The following SULT2B1 variants were observed in gnomAD, a reference collection of about 807,000 sequenced individuals.
The protein encoded by SULT2B1 is sulfotransferase family 2B member 1, also known as sulfotransferase 2B1.
SULT2B1 carries 16 observed loss-of-function variants against 33.2 expected under a neutral mutation model. The ratio of observed to expected loss-of-function variants is 0.48; its 90% CI spans 0.33 to 0.73. The LOEUF is 0.73. SULT2B1 is among the 30% of genes least tolerant of loss of function. SULT2B1 has a pLI of 0.02. For synonymous variants in SULT2B1, 186 were observed against 200.5 expected (o/e 0.93, Z 0.61); for missense variants, 500 against 506.0 (o/e 0.99, Z 0.11).
At chr19:48,581,906 T>C (rs1973495904) in intron 2 of SULT2B1, among the ~76,000 whole-genome samples, 2 of 148,228 alleles carry the variant, frequency 1.3e-5, no homozygotes, top group Non-Finnish European at 3.0e-5. Context: ...TTATTATTAT[T>C]ATTATTATTA....
chr19:48,555,915 A>G (rs1973094610), intron 1 of SULT2B1, among the ~76,000 whole-genome samples: 1 of 151,636 alleles, frequency 6.6e-6, no homozygotes, highest in African/African-American at 2.4e-5. Flanking sequence ...AATTTTTTGT[A>G]TTTTAGTAGA....
chr19:48,590,860 G>T (rs780253736), intron 3 of SULT2B1, among the ~76,000 whole-genome samples: 59 of 152,062 alleles, frequency 3.9e-4, no homozygotes, highest in Admixed American at 1.1e-3. Context: ...TTGAGGCAGG[G>T]TCTCGTTCTG....
At chr19:48,562,037 A>G (rs12611168) in intron 1 of SULT2B1, among the ~76,000 whole-genome samples, 22,924 of 152,006 alleles carry the variant, frequency 0.15, 1,991 homozygotes, top group East Asian at 0.4. Context: ...ATCACTTGAG[A>G]TCAGGAGTTT....
At chr19:48,577,596 C>A (rs1006045853) in intron 2 of SULT2B1, among the ~76,000 whole-genome samples, 1 of 151,770 alleles carries the variant, frequency 6.6e-6, no homozygotes, top group Admixed American at 6.6e-5. Context: ...GATCTCTTGA[C>A]CTCTTGATCT....
intron 3 of SULT2B1, among the ~76,000 whole-genome samples, chr19:48,589,913 T>C (rs939244770): frequency 6.6e-6 from 1 of 152,232 alleles, no homozygotes; most frequent in Admixed American, 6.5e-5. Context: ...TGAGCCATGA[T>C]TGTGCCACAG....
At chr19:48,574,879 A>T (rs1016948172) in intron 1 of SULT2B1, among the ~76,000 whole-genome samples, 2 of 152,130 alleles carry the variant, frequency 1.3e-5, no homozygotes, top group African/African-American at 4.8e-5. Flanking sequence ...ATCATCACTA[A>T]TTCCGCGCCC....
intron 1 of SULT2B1, 136 bp from the exon 2 acceptor site, chr19:48,575,805 G>A: frequency 4.1e-6 from 6 of 1,457,364 alleles, no homozygotes; most frequent in Non-Finnish European, 5.5e-6. Context: ...TATAGGGACA[G>A]TGTCACCACT....
At chr19:48,567,453 T>A (rs575919092) in intron 1 of SULT2B1, among the ~76,000 whole-genome samples, 2 of 152,112 alleles carry the variant, frequency 1.3e-5, no homozygotes, top group Admixed American at 6.6e-5. Flanking sequence ...TCTCAGCTAC[T>A]CAGGAGTCTG....
Position 48,552,886 on chromosome 19 carries a change from A to G in SULT2B1, c.71+563A>G, listed in dbSNP as rs1230123248. On this transcript the variant is annotated intron_variant, in intron 1 of 6. Transcript: ENST00000201586. The surrounding 1 kb of genome is among the most constrained non-coding windows in gnomAD (Gnocchi z 4.8). ...GAGCACTGCCCACTTCCATGAGCTC[A>G]GCGTGACTCCCTCTTCCTGGGGATG... 1.3e-5 allele frequency among the ~76,000 whole-genome samples: 2 copies of G among 152,118 alleles called. No individual in the cohort carries two copies. The highest frequency in any genetic ancestry group is 4.8e-5 in the African/African-American group (2 of 41,406).
intron 1 of SULT2B1, among the ~76,000 whole-genome samples, chr19:48,559,102 G>A (rs538965510): frequency 1.3e-5 from 2 of 152,226 alleles, no homozygotes; most frequent in South Asian, 2.1e-4. Context: ...GAGGGGCTTC[G>A]GGGCCAGCAC....
chr19:48,582,979 C>T (rs149521330), intron 2 of SULT2B1, among the ~76,000 whole-genome samples: 4,064 of 133,732 alleles, frequency 0.03, 95 homozygotes, highest in Non-Finnish European at 0.039. Flanking sequence ...ATGGCAAAAT[C>T]CTATCTCTAC....
At chr19:48,569,375 T>G (rs1453100906) in intron 1 of SULT2B1, among the ~76,000 whole-genome samples, 1 of 15,368 alleles carries the variant, frequency 6.5e-5, no homozygotes, top group African/African-American at 7.2e-4. Context: ...TATATATATA[T>G]ATATATATAT....
At chr19:48,588,885 A>G (rs59550816) in intron 3 of SULT2B1, among the ~76,000 whole-genome samples, 1,842 of 152,228 alleles carry the variant, frequency 0.012, 50 homozygotes, top group African/African-American at 0.042. Flanking sequence ...GTGTGGCCGG[A>G]GCCAAGTGAG....
At chr19:48,561,422 A>T (rs10416119) in intron 1 of SULT2B1, among the ~76,000 whole-genome samples, 41,508 of 151,780 alleles carry the variant, frequency 0.27, 6,510 homozygotes, top group East Asian at 0.41. Context: ...AGAGTGAAAC[A>T]CTGTCTCAAA....
At chr19:48,594,024 C>T (rs1277180996) in intron 5 of SULT2B1, among the ~76,000 whole-genome samples, 2 of 151,736 alleles carry the variant, frequency 1.3e-5, no homozygotes, top group Non-Finnish European at 2.9e-5. Context: ...TTTGGGAGGC[C>T]GAGGTAGGCA....
intron 1 of SULT2B1, among the ~76,000 whole-genome samples, chr19:48,560,589 A>G (rs1973162959): frequency 6.6e-6 from 1 of 152,056 alleles, no homozygotes; most frequent in Non-Finnish European, 1.5e-5. Context: ...TAAAAAAACA[A>G]AAGAAACAAG....
At chr19:48,577,201 TC>T (rs1973425375) in intron 2 of SULT2B1, among the ~76,000 whole-genome samples, 1 of 150,396 alleles carries the variant, frequency 6.6e-6, no homozygotes, top group Non-Finnish European at 1.5e-5. Flanking sequence ...CGCGGCTACT[TC>T]TTTTTATTTT....
intron 1 of SULT2B1, among the ~76,000 whole-genome samples, chr19:48,557,038 C>A (rs187734229): frequency 8.6e-5 from 13 of 151,688 alleles, no homozygotes; most frequent in African/African-American, 2.4e-4. Context: ...TCATTTGAGG[C>A]CAGGAGTTCA....
intron 1 of SULT2B1, among the ~76,000 whole-genome samples, chr19:48,570,786 G>A (rs562680027): frequency 6.6e-5 from 10 of 151,718 alleles, no homozygotes; most frequent in African/African-American, 2.2e-4. Context: ...GTGCAGTGGC[G>A]CGATCTCGGC....
Sources: allele counts gnomAD v4.1 joint callset (sites outside exome capture counted in the v4.1 genomes callset), GRCh38; gene constraint gnomAD v4.1.1; non-coding constraint Gnocchi (gnomAD v3.1); transcripts MANE v1.5; gene names NCBI Gene and HGNC (gene_info 2026-07-23, HGNC 2026-07-21).